Variants in NPAS3 observed in about 807,000 individuals in gnomAD.
NPAS3 encodes neuronal PAS domain protein 3, also known as neuronal PAS domain-containing protein 3.
A neutral mutation model predicts 73.1 loss-of-function variants in NPAS3; 14 were observed. The ratio of observed to expected loss-of-function variants is 0.19; its 90% confidence interval spans 0.13 to 0.30. The LOEUF (loss-of-function observed/expected upper bound fraction) is 0.30, where lower values mean the gene tolerates loss of function less well. NPAS3 is among the 10% of genes least tolerant of loss of function. NPAS3 has a pLI of 1.00. For synonymous variants in NPAS3, 620 were observed against 541.5 expected (o/e 1.14, Z -2.01); for missense variants, 1,096 against 1,250.0 (o/e 0.88, Z 1.86).
At chr14:33,026,764 ATT>A (rs948832178) in intron 1 of NPAS3, among the ~76,000 whole-genome samples, 1 of 152,104 alleles carries the variant, frequency 6.6e-6, no homozygotes, top group African/African-American at 2.4e-5. Flanking sequence ...GTTTAAATAT[ATT>A]GTTAGTCTTT....
intron 6 of NPAS3, among the ~76,000 whole-genome samples, chr14:33,709,850 T>A (rs2060767345): frequency 6.6e-6 from 1 of 152,140 alleles, no homozygotes; most frequent in South Asian, 2.1e-4. Context: ...GCATGTAGGA[T>A]GGTTGATATG....
chr14:33,297,822 T>A (rs1053268819), intron 3 of NPAS3, among the ~76,000 whole-genome samples: 1 of 152,130 alleles, frequency 6.6e-6, no homozygotes, highest in Non-Finnish European at 1.5e-5. Context: ...TGCCACCGCG[T>A]GAGAAATGTT....
chr14:33,031,685 C>G (rs2040000160), intron 1 of NPAS3, among the ~76,000 whole-genome samples: 1 of 152,180 alleles, frequency 6.6e-6, no homozygotes, highest in South Asian at 2.1e-4. Context: ...GATGGGGCCT[C>G]ACAGTGTTGC....
chr14:33,115,718 G>A (rs1466914842), intron 2 of NPAS3, among the ~76,000 whole-genome samples: 1 of 152,060 alleles, frequency 6.6e-6, no homozygotes, highest in African/African-American at 2.4e-5. Context: ...CCCAATCTTG[G>A]TCATATATGC....
chr14:33,303,800 A>G (rs2042648142), intron 3 of NPAS3, among the ~76,000 whole-genome samples: 1 of 152,262 alleles, frequency 6.6e-6, no homozygotes, highest in Non-Finnish European at 1.5e-5. Flanking sequence ...TAAAAAGAAA[A>G]TAAGATGTCT....
chr14:33,418,962 C>T (rs928825692), intron 4 of NPAS3, among the ~76,000 whole-genome samples: 2 of 151,880 alleles, frequency 1.3e-5, no homozygotes, highest in African/African-American at 4.8e-5. Context: ...AGATAAAAAT[C>T]TCTCCACCCA....
At chr14:33,746,884 TC>T (rs1277987796) in intron 7 of NPAS3, among the ~76,000 whole-genome samples, 2 of 145,490 alleles carry the variant, frequency 1.4e-5, no homozygotes, top group Non-Finnish European at 3.0e-5. Context: ...CCCAATGCTA[TC>T]CCTCCCCCGT....
chr14:33,073,234 C>G (rs1183383466), intron 2 of NPAS3, among the ~76,000 whole-genome samples: 9 of 152,116 alleles, frequency 5.9e-5, no homozygotes, highest in Admixed American at 5.9e-4. Context: ...GTGTAGGCAT[C>G]CTCAGTCTCA....
At chr14:33,475,893 T>G (rs1280309865) in intron 4 of NPAS3, among the ~76,000 whole-genome samples, 1 of 152,148 alleles carries the variant, frequency 6.6e-6, no homozygotes, top group Non-Finnish European at 1.5e-5. Flanking sequence ...GCCAGCTGCC[T>G]GGCCTGGCTT....
chr14:33,017,740 C>T (rs2039446525), intron 1 of NPAS3, among the ~76,000 whole-genome samples: 1 of 152,080 alleles, frequency 6.6e-6, no homozygotes, highest in East Asian at 1.9e-4. Context: ...ATGAAATATT[C>T]CCTAAATGGT....
intron 6 of NPAS3, among the ~76,000 whole-genome samples, chr14:33,724,749 C>CAA (rs56302116): frequency 1.5e-5 from 2 of 134,636 alleles, no homozygotes; most frequent in East Asian, 4.2e-4. Context: ...TGTTTTCTCT[C>CAA]AAAAAAAAAA....
chr14:33,367,514 A>G (rs995270760), intron 4 of NPAS3, among the ~76,000 whole-genome samples: 2 of 152,152 alleles, frequency 1.3e-5, no homozygotes, highest in African/African-American at 4.8e-5. Context: ...GAATTGCACT[A>G]TTTAGTTCAT....
intron 4 of NPAS3, among the ~76,000 whole-genome samples, chr14:33,450,628 A>G (rs1157051817): frequency 6.6e-6 from 1 of 152,120 alleles, no homozygotes; most frequent in African/African-American, 2.4e-5. Flanking sequence ...TCGCTGCCAG[A>G]TTGCTTGTAG....
At chr14:33,754,237 C>T (rs958734771) in intron 7 of NPAS3, among the ~76,000 whole-genome samples, 2 of 151,994 alleles carry the variant, frequency 1.3e-5, no homozygotes, top group African/African-American at 4.8e-5. Context: ...TTCTTTAAAA[C>T]TGAGCACTAA....
chr14:33,491,347 T>G (rs753677111), intron 4 of NPAS3, among the ~76,000 whole-genome samples: 2 of 152,120 alleles, frequency 1.3e-5, no homozygotes, highest in Non-Finnish European at 2.9e-5. Flanking sequence ...AGACACAGTC[T>G]TCTAGATCTC....
At chr14:33,124,721 AAGC>A (rs1364940841) in intron 2 of NPAS3, among the ~76,000 whole-genome samples, 1 of 152,186 alleles carries the variant, frequency 6.6e-6, no homozygotes, top group Non-Finnish European at 1.5e-5. Context: ...GAATATTTCA[AAGC>A]AGAATATTTA....
intron 1 of NPAS3, among the ~76,000 whole-genome samples, chr14:32,952,908 A>C (rs2036536892): frequency 6.6e-6 from 1 of 152,036 alleles, no homozygotes; most frequent in South Asian, 2.1e-4. Flanking sequence ...CCATGTTTCT[A>C]CAAAAAAATA....
chr14:33,125,164 G>T (rs764315301), intron 2 of NPAS3, among the ~76,000 whole-genome samples: 3 of 152,012 alleles, frequency 2.0e-5, no homozygotes, highest in Admixed American at 6.6e-5. Flanking sequence ...CATGTAATGG[G>T]TGCATTACAT....
intron 1 of NPAS3, among the ~76,000 whole-genome samples, chr14:33,002,395 C>T (rs1412763836): frequency 6.6e-6 from 1 of 152,092 alleles, no homozygotes; most frequent in Non-Finnish European, 1.5e-5. Flanking sequence ...CAATTGGGAG[C>T]CATTGATGGC....
Sources: allele counts gnomAD v4.1 joint callset (sites outside exome capture counted in the v4.1 genomes callset), GRCh38; gene constraint gnomAD v4.1.1; transcripts MANE v1.5; gene names NCBI Gene and HGNC (gene_info 2026-07-23, HGNC 2026-07-21).